CADM2: variants seen among roughly 807,000 people sequenced by gnomAD.
CADM2 encodes the protein immunoglobulin superfamily member 4D.
In CADM2, 12 loss-of-function variants were observed where a neutral mutation model predicts 49.8. That is an observed-to-expected ratio of 0.24 (90% CI 0.15 to 0.39). CADM2 has a LOEUF of 0.39. Ranked by LOEUF, CADM2 falls within the 10% of genes least tolerant of loss-of-function variation. The pLI, the probability that CADM2 is intolerant of heterozygous loss-of-function variation, is 1.00. For missense variants in CADM2, 378 were observed against 492.3 expected (o/e 0.77, Z 2.20); for synonymous variants, 214 against 175.4 (o/e 1.22, Z -1.74).
chr3:85,121,819 T>G (rs1019262605), intron 1 of CADM2, among the ~76,000 whole-genome samples: 1 of 152,200 alleles, frequency 6.6e-6, no homozygotes, highest in Admixed American at 6.5e-5. Flanking sequence ...TTTTTATTAT[T>G]TCTGCATTCT....
chr3:85,947,234 G>C (rs1722840145), intron 7 of CADM2, among the ~76,000 whole-genome samples: 1 of 151,128 alleles, frequency 6.6e-6, no homozygotes, highest in African/African-American at 2.4e-5. Flanking sequence ...TGCAAATCAA[G>C]AGTATGTCTT....
intron 1 of CADM2, among the ~76,000 whole-genome samples, chr3:85,287,918 AG>A (rs1413956480): frequency 1.4e-5 from 2 of 138,462 alleles, no homozygotes; most frequent in Non-Finnish European, 3.1e-5. Flanking sequence ...GGACACAGGA[AG>A]GGGAACATCA....
intron 8 of CADM2, among the ~76,000 whole-genome samples, chr3:86,053,861 T>C (rs1179424857): frequency 3.3e-5 from 5 of 152,130 alleles, no homozygotes; most frequent in Non-Finnish European, 7.4e-5. Flanking sequence ...ATGCTTTTAA[T>C]AAATATGAAC....
intron 1 of CADM2, among the ~76,000 whole-genome samples, chr3:85,409,110 C>T (rs901624683): frequency 7.2e-5 from 11 of 152,110 alleles, no homozygotes; most frequent in Non-Finnish European, 1.5e-4. Context: ...GTTCTTCTAG[C>T]GTTTGGGAGA....
chr3:85,251,948 T>G (rs575780772), intron 1 of CADM2, among the ~76,000 whole-genome samples: 1 of 151,944 alleles, frequency 6.6e-6, no homozygotes, highest in Non-Finnish European at 1.5e-5. Flanking sequence ...CTCTTGGTAA[T>G]TTATAGACTT....
At chr3:85,850,668 G>A (rs1214484690) in intron 3 of CADM2, among the ~76,000 whole-genome samples, 1 of 152,038 alleles carries the variant, frequency 6.6e-6, no homozygotes, top group Non-Finnish European at 1.5e-5. Flanking sequence ...TTTGTGGATT[G>A]GAGTATTCTG....
intron 5 of CADM2, among the ~76,000 whole-genome samples, chr3:85,891,592 C>T (rs148266463): frequency 8.5e-5 from 13 of 152,212 alleles, no homozygotes; most frequent in Admixed American, 3.3e-4. Flanking sequence ...TACAATGAGA[C>T]GAGGTCTTTA....
chr3:85,131,983 A>C (rs2039244380), intron 1 of CADM2, among the ~76,000 whole-genome samples: 1 of 152,184 alleles, frequency 6.6e-6, no homozygotes, highest in African/African-American at 2.4e-5. Flanking sequence ...CAAAGTTTGA[A>C]GATGATATAA....
chr3:85,038,038 A>T lies in CADM2; in HGVS notation c.61+78370A>T, dbSNP rs1446643899. On this transcript the variant is annotated intron_variant, in intron 1 of 9. Transcript: ENST00000383699. ...CAGTGAGGAACAGAAAAAGTTTTTT[A>T]AAATAAGCAAAGTAAAAATACCAAT... Among the ~76,000 whole-genome samples the T allele has an allele frequency of 2.0e-5, 3 of 152,254 alleles. No individual in the cohort carries two copies. In the East Asian group the frequency reaches 5.8e-4, roughly 29 times the overall value.
chr3:85,286,043 G>A (rs893301079), intron 1 of CADM2, among the ~76,000 whole-genome samples: 3 of 152,086 alleles, frequency 2.0e-5, no homozygotes, highest in African/African-American at 7.2e-5. Flanking sequence ...AAGGTTTGAA[G>A]CTGAAACAAA....
chr3:85,187,293 T>C (rs569020430), intron 1 of CADM2, among the ~76,000 whole-genome samples: 2 of 152,168 alleles, frequency 1.3e-5, no homozygotes, highest in African/African-American at 4.8e-5. Flanking sequence ...TTAAAATTGA[T>C]ATTATTTTAA....
At chr3:85,271,307 T>G (rs990579512) in intron 1 of CADM2, among the ~76,000 whole-genome samples, 1 of 151,156 alleles carries the variant, frequency 6.6e-6, no homozygotes, top group African/African-American at 2.4e-5. Flanking sequence ...AAATATGAGT[T>G]TACTGTACTC....
chr3:85,974,642 C>A (rs970681403), intron 8 of CADM2, among the ~76,000 whole-genome samples: 1 of 151,612 alleles, frequency 6.6e-6, no homozygotes, highest in African/African-American at 2.4e-5. Flanking sequence ...CCTGATTTGG[C>A]AAATGCGTTG....
At position 86,072,061 on chromosome 3, in the gene CADM2, C is replaced by T. The variant is rs1559841251; in HGVS notation, c.*5278C>T. ...CCTCATATAATGCACAGTATTGCCA[C>T]AAATGCCCACTTCATTTTGTCTGCA... On this transcript the variant is annotated 3_prime_UTR_variant, in exon 10 of 10. Transcript: ENST00000383699. The T allele has an allele frequency of 6.6e-6, 1 of 151,818 alleles. No homozygotes were observed. Among genetic ancestry groups the T allele is most frequent in the Admixed American group, 6.6e-5 (1 of 15,184 alleles). 9.4% of individuals were successfully genotyped at this position (151,818 alleles called of 1,614,324 possible).
chr3:85,334,498 A>G (rs902617550), intron 1 of CADM2, among the ~76,000 whole-genome samples: 1 of 151,632 alleles, frequency 6.6e-6, no homozygotes, highest in African/African-American at 2.4e-5. Flanking sequence ...CCTCTGGTCA[A>G]CTTAATTTTA....
intron 8 of CADM2, among the ~76,000 whole-genome samples, chr3:86,017,678 A>C (rs1316209489): frequency 6.6e-6 from 1 of 151,144 alleles, no homozygotes; most frequent in Non-Finnish European, 1.5e-5. Flanking sequence ...CAGTAAGCCG[A>C]GACTGTGCCA....
chr3:85,553,353 G>A (rs1041521743), intron 1 of CADM2, among the ~76,000 whole-genome samples: 1 of 151,968 alleles, frequency 6.6e-6, no homozygotes, highest in Non-Finnish European at 1.5e-5. Flanking sequence ...TATACAAGAA[G>A]CAGCTGAGCT....
chr3:85,820,131 C>G (rs1349296138), intron 3 of CADM2, among the ~76,000 whole-genome samples: 1 of 151,968 alleles, frequency 6.6e-6, no homozygotes, highest in Non-Finnish European at 1.5e-5. Context: ...AGAGCTCAGC[C>G]AGCGTGAGCA....
chr3:85,705,023 T>A (rs1252889908), intron 1 of CADM2, among the ~76,000 whole-genome samples: 1 of 140,042 alleles, frequency 7.1e-6, no homozygotes, highest in East Asian at 2.0e-4. Flanking sequence ...CACGCCTGGC[T>A]AAATTTTTTT....
Sources: gnomAD v4.1 joint callset for allele counts (sites outside exome capture counted in the v4.1 genomes callset) on GRCh38, gnomAD v4.1.1 for gene constraint, MANE v1.5 for transcripts, NCBI Gene and HGNC (gene_info 2026-07-23, HGNC 2026-07-21) for gene names.